Variants in KLHL1 observed in about 807,000 individuals in gnomAD.
KLHL1 encodes the protein kelch like family member 1, also known as kelch-like protein 1.
Under a neutral mutation model 77.7 loss-of-function variants are expected in KLHL1, and 47 were observed. That is an observed-to-expected ratio of 0.60 (90% confidence interval 0.48 to 0.77). KLHL1 has a LOEUF of 0.77. KLHL1 is among the 30% of genes least tolerant of loss of function. The pLI is 0.00. For missense variants in KLHL1, 925 were observed against 910.8 expected (o/e 1.02, Z -0.20); for synonymous variants, 360 against 325.2 (o/e 1.11, Z -1.15).
intron 4 of KLHL1, among the ~76,000 whole-genome samples, chr13:69,889,554 G>T (rs1479490063): frequency 6.6e-6 from 1 of 151,882 alleles, no homozygotes; most frequent in Non-Finnish European, 1.5e-5. Context: ...GTCTTACTTT[G>T]ACCTATGTAA....
intron 6 of KLHL1, among the ~76,000 whole-genome samples, chr13:69,823,978 G>T (rs1463837997): frequency 1.3e-5 from 2 of 151,882 alleles, no homozygotes; most frequent in Admixed American, 6.6e-5. Flanking sequence ...ATCATTATGT[G>T]TGTGTGTATA....
At chr13:69,800,173 TTC>T (rs1446268450) in intron 6 of KLHL1, among the ~76,000 whole-genome samples, 8 of 152,194 alleles carry the variant, frequency 5.3e-5, no homozygotes, top group Non-Finnish European at 7.3e-5. Context: ...AACATTGCAT[TTC>T]TCTGACATTG....
intron 1 of KLHL1, among the ~76,000 whole-genome samples, chr13:69,977,605 C>CA (rs1322897554): frequency 6.6e-6 from 1 of 151,952 alleles, no homozygotes; most frequent in African/African-American, 2.4e-5. Context: ...CAAGAATTTT[C>CA]AAAAATTTGT....
chr13:69,811,084 A>C (rs1669467439), intron 6 of KLHL1, among the ~76,000 whole-genome samples: 2 of 151,962 alleles, frequency 1.3e-5, no homozygotes, highest in African/African-American at 4.8e-5. Flanking sequence ...CAATTCCAAA[A>C]AATCAAGGAG....
At chr13:69,840,380 T>C (rs1041026102) in intron 5 of KLHL1, among the ~76,000 whole-genome samples, 5 of 151,816 alleles carry the variant, frequency 3.3e-5, no homozygotes, top group Admixed American at 2.6e-4. Context: ...TGCACCACCA[T>C]GCCCAACTTA....
intron 6 of KLHL1, among the ~76,000 whole-genome samples, chr13:69,833,486 A>T (rs1486674636): frequency 1.3e-5 from 2 of 152,142 alleles, no homozygotes; most frequent in Admixed American, 6.6e-5. Flanking sequence ...TGAAAAAGGG[A>T]ACACTTTTAC....
At chr13:69,787,357 A>T (rs1275427688) in intron 7 of KLHL1, among the ~76,000 whole-genome samples, 2 of 152,188 alleles carry the variant, frequency 1.3e-5, no homozygotes, top group African/African-American at 2.4e-5. Context: ...ATAATGCCGC[A>T]TGTCTACAAC....
chr13:69,881,042 C>G (rs1232976524), intron 5 of KLHL1, among the ~76,000 whole-genome samples: 2 of 152,146 alleles, frequency 1.3e-5, no homozygotes, highest in Non-Finnish European at 2.9e-5. Flanking sequence ...TGCAAAAATT[C>G]AGTACTTAGC....
At chr13:69,826,398 A>T (rs961964736) in intron 6 of KLHL1, among the ~76,000 whole-genome samples, 3 of 152,196 alleles carry the variant, frequency 2.0e-5, no homozygotes, top group African/African-American at 7.2e-5. Flanking sequence ...CAGCCTGGCC[A>T]ACAGGGTAAA....
chr13:70,067,292 C>T (rs1241292513), intron 1 of KLHL1, among the ~76,000 whole-genome samples: 3 of 152,180 alleles, frequency 2.0e-5, no homozygotes, highest in African/African-American at 7.2e-5. Flanking sequence ...GAACTAATAG[C>T]ATTAATTCAT....
chr13:69,941,439 C>T (rs1034384575), intron 3 of KLHL1, among the ~76,000 whole-genome samples: 5 of 152,040 alleles, frequency 3.3e-5, no homozygotes, highest in African/African-American at 1.2e-4. Context: ...CTGTGGTATA[C>T]AGCAAAAGTG....
intron 1 of KLHL1, among the ~76,000 whole-genome samples, chr13:70,060,669 C>A (rs1002654296): frequency 6.6e-6 from 1 of 151,774 alleles, no homozygotes; most frequent in Non-Finnish European, 1.5e-5. Flanking sequence ...CGTGGTGAAA[C>A]CCCCGTCTTG....
chr13:69,859,403 G>T (rs1880049670), intron 5 of KLHL1, among the ~76,000 whole-genome samples: 1 of 151,906 alleles, frequency 6.6e-6, no homozygotes, highest in African/African-American at 2.4e-5. Context: ...GGAGAGGGAA[G>T]AATATTTATT....
chr13:70,063,289 C>T, intron 1 of KLHL1, among the ~76,000 whole-genome samples: 1 of 152,058 alleles, frequency 6.6e-6, no homozygotes, highest in Non-Finnish European at 1.5e-5. Context: ...TTTCAGGGAG[C>T]CCCTCCACAG....
At chr13:70,094,412 A>C (rs7489808) in intron 1 of KLHL1, among the ~76,000 whole-genome samples, 2 of 119,884 alleles carry the variant, frequency 1.7e-5, no homozygotes, top group East Asian at 5.1e-4. Flanking sequence ...TATATATATG[A>C]ATATATTGGC....
At chr13:69,884,175 G>T (rs1881108599) in intron 4 of KLHL1, among the ~76,000 whole-genome samples, 1 of 152,006 alleles carries the variant, frequency 6.6e-6, no homozygotes, top group Admixed American at 6.6e-5. Flanking sequence ...TCACAAAAGG[G>T]CACTAACTTA....
intron 7 of KLHL1, among the ~76,000 whole-genome samples, chr13:69,776,599 G>C (rs1485830019): frequency 1.3e-5 from 2 of 152,118 alleles, no homozygotes; most frequent in Non-Finnish European, 2.9e-5. Context: ...TTAGGGCTGA[G>C]AAATTTTCTA....
At chr13:69,898,817 T>C (rs536831591) in intron 4 of KLHL1, among the ~76,000 whole-genome samples, 37 of 152,262 alleles carry the variant, frequency 2.4e-4, no homozygotes, top group African/African-American at 8.7e-4. Context: ...CAATGCCACA[T>C]GTAGCTTGTG....
At chr13:69,872,045 A>C (rs56270453) in intron 5 of KLHL1, among the ~76,000 whole-genome samples, 26,143 of 152,054 alleles carry the variant, frequency 0.17, 3,359 homozygotes, top group African/African-American at 0.36. Context: ...TTGTGTTGCT[A>C]TAAAGGACTA....
Sources: gnomAD v4.1 joint callset for allele counts (sites outside exome capture counted in the v4.1 genomes callset) on GRCh38, gnomAD v4.1.1 for gene constraint, MANE v1.5 for transcripts, NCBI Gene and HGNC (gene_info 2026-07-23, HGNC 2026-07-21) for gene names.